Variants in NELL2 observed in about 807,000 individuals in gnomAD.
The protein encoded by NELL2 is protein kinase C-binding protein NELL2.
Under a neutral mutation model 109.6 loss-of-function variants are expected in NELL2, and 41 were observed. That is an observed-to-expected ratio of 0.37 (90% CI 0.29 to 0.49). NELL2 has a LOEUF of 0.49. NELL2 is among the 20% of genes least tolerant of loss of function. The pLI, the probability that NELL2 is intolerant of heterozygous loss-of-function variation, is 0.98. For synonymous variants in NELL2, 355 were observed against 344.7 expected, an observed-to-expected ratio of 1.03 and a Z score of -0.33; for missense variants, 900 against 1,008.3, an observed-to-expected ratio of 0.89 and a Z score of 1.45.
intron 3 of NELL2, among the ~76,000 whole-genome samples, chr12:44,811,157 C>G (rs1247160746): frequency 2.0e-5 from 3 of 151,650 alleles, no homozygotes; most frequent in African/African-American, 7.3e-5. Flanking sequence ...AGGGAAACAT[C>G]ACACACTGGG....
rs572840975 is a variant in NELL2, at chr12:44,895,040, TA to T, written c.38+18758del. Among the ~76,000 whole-genome samples, 151 of 152,244 alleles carry T rather than the reference TA, an allele frequency of 9.9e-4. 1 individual carries two copies. The highest frequency in any genetic ancestry group is 9.9e-3 in the Admixed American group (151 of 15,292). On this transcript the variant is annotated intron_variant, in intron 1 of 20. Coordinates refer to the NELL2 transcript ENST00000333837. ...CTTTTGTAACATTCATATTATCACA[TA>T]AAAAAGAGATTGTGTAGGATTTAAC...
chr12:44,659,430 T>G (rs1421575710), intron 13 of NELL2, among the ~76,000 whole-genome samples: 1 of 152,028 alleles, frequency 6.6e-6, no homozygotes, highest in Non-Finnish European at 1.5e-5. Context: ...TGGGAGAAAA[T>G]TTATACAATC....
intron 3 of NELL2, among the ~76,000 whole-genome samples, chr12:44,809,228 T>C (rs1943096311): frequency 6.6e-6 from 1 of 152,102 alleles, no homozygotes; most frequent in African/African-American, 2.4e-5. Context: ...AACAGTTTCT[T>C]TGGAATTTTC....
intron 3 of NELL2, among the ~76,000 whole-genome samples, chr12:44,789,261 C>T (rs1942294347): frequency 6.6e-6 from 1 of 152,272 alleles, no homozygotes; most frequent in Non-Finnish European, 1.5e-5. Context: ...TGCTGGTATC[C>T]ACAGCTGAGA....
intron 3 of NELL2, among the ~76,000 whole-genome samples, chr12:44,796,014 C>T (rs900091933): frequency 6.6e-6 from 1 of 151,918 alleles, no homozygotes; most frequent in Non-Finnish European, 1.5e-5. Context: ...TAATCCTGTC[C>T]CCACAGTTTA....
chr12:44,665,675 CT>C, intron 12 of NELL2, 66 bp from the exon 13 acceptor site: 1 of 1,479,156 alleles, frequency 6.8e-7, no homozygotes, highest in East Asian at 2.3e-5. Context: ...ATATAATTTT[CT>C]TTGGTAGGGA....
intron 1 of NELL2, among the ~76,000 whole-genome samples, chr12:44,911,646 T>C (rs563703718): frequency 6.6e-6 from 1 of 152,058 alleles, no homozygotes; most frequent in African/African-American, 2.4e-5. Context: ...AGAGGTTTTA[T>C]CAGGACTGGA....
intron 1 of NELL2, among the ~76,000 whole-genome samples, chr12:44,909,858 C>A (rs1945760297): frequency 6.6e-6 from 1 of 151,366 alleles, no homozygotes; most frequent in Middle Eastern, 3.4e-3. Flanking sequence ...TCAACCAAGA[C>A]AACAAAAATA....
chr12:44,883,569 T>C (rs1441586240), intron 1 of NELL2, among the ~76,000 whole-genome samples: 2 of 152,066 alleles, frequency 1.3e-5, no homozygotes, highest in Non-Finnish European at 2.9e-5. Context: ...TAGACATCTT[T>C]GGGACTCCAT....
intron 15 of NELL2, among the ~76,000 whole-genome samples, chr12:44,548,628 T>G (rs1942903719): frequency 6.6e-6 from 1 of 152,076 alleles, no homozygotes; most frequent in Non-Finnish European, 1.5e-5. Context: ...ACCGTTTTTT[T>G]TGGTTGTTCA....
chr12:44,529,087 T>C (rs1442005597), intron 16 of NELL2, among the ~76,000 whole-genome samples: 1 of 152,052 alleles, frequency 6.6e-6, no homozygotes, highest in Non-Finnish European at 1.5e-5. Context: ...TCACTCTGAA[T>C]GTTATTAAAA....
intron 2 of NELL2, among the ~76,000 whole-genome samples, chr12:44,863,874 G>C (rs924838427): frequency 1.3e-5 from 2 of 152,014 alleles, no homozygotes; most frequent in African/African-American, 4.8e-5. Flanking sequence ...AGGAATACAT[G>C]ATATAAAAAG....
At chr12:44,840,444 C>G (rs951762549) in intron 2 of NELL2, among the ~76,000 whole-genome samples, 1 of 152,030 alleles carries the variant, frequency 6.6e-6, no homozygotes, top group African/African-American at 2.4e-5. Flanking sequence ...TTTGTACTTT[C>G]CCAAGCAAGG....
At chr12:44,629,316 T>C (rs1006826110) in intron 13 of NELL2, among the ~76,000 whole-genome samples, 1 of 152,216 alleles carries the variant, frequency 6.6e-6, no homozygotes, top group East Asian at 1.9e-4. Flanking sequence ...TAAATTTTAT[T>C]GAAAACATTT....
At chr12:44,640,724 A>G (rs1207260168) in intron 13 of NELL2, among the ~76,000 whole-genome samples, 1 of 152,140 alleles carries the variant, frequency 6.6e-6, no homozygotes, top group African/African-American at 2.4e-5. Context: ...TAGCTGAGGA[A>G]CAAGGGGACA....
At chr12:44,583,287 C>T (rs1393227536) in intron 15 of NELL2, among the ~76,000 whole-genome samples, 1 of 152,160 alleles carries the variant, frequency 6.6e-6, no homozygotes, top group Non-Finnish European at 1.5e-5. Flanking sequence ...TTTAAAAAGG[C>T]TTCCCTAACC....
intron 2 of NELL2, among the ~76,000 whole-genome samples, chr12:44,844,446 A>G (rs1466171671): frequency 6.6e-6 from 1 of 152,246 alleles, no homozygotes; most frequent in East Asian, 1.9e-4. Flanking sequence ...CAAAAAAACT[A>G]CCTACTCTCT....
chr12:44,529,502 T>C (rs1270849173), intron 16 of NELL2, among the ~76,000 whole-genome samples: 1 of 152,092 alleles, frequency 6.6e-6, no homozygotes, highest in Non-Finnish European at 1.5e-5. Context: ...GACGGCATTT[T>C]AAGCCATGAA....
At chr12:44,647,737 A>G (rs905932561) in intron 13 of NELL2, among the ~76,000 whole-genome samples, 1 of 111,444 alleles carries the variant, frequency 9.0e-6, no homozygotes, top group Non-Finnish European at 1.8e-5. Context: ...AATTTCAATA[A>G]GTGAAGAAAA....
Sources: gnomAD v4.1 joint callset for allele counts (sites outside exome capture counted in the v4.1 genomes callset) on GRCh38, gnomAD v4.1.1 for gene constraint, MANE v1.5 for transcripts, NCBI Gene and HGNC (gene_info 2026-07-23, HGNC 2026-07-21) for gene names.